Variants in ITPRID1 observed in about 807,000 individuals in gnomAD.
The protein encoded by ITPRID1 is ITPR interacting domain containing 1.
Under a neutral mutation model 95.4 loss-of-function variants are expected in ITPRID1, and 96 were observed. The observed-to-expected ratio is 1.01, with a 90% CI of 0.85 to 1.19. The LOEUF is 1.19. Among genes scored for constraint, ITPRID1 ranks in the 50% most tolerant of loss-of-function variants. ITPRID1 has a pLI of 0.00. For synonymous variants in ITPRID1, 510 were observed against 453.6 expected, an observed-to-expected ratio of 1.12 and a Z score of -1.58; for missense variants, 1,339 against 1,252.9, an observed-to-expected ratio of 1.07 and a Z score of -1.04.
At chr7:31,641,321 T>C (rs35400430) in intron 10 of ITPRID1, among the ~76,000 whole-genome samples, 12,410 of 152,192 alleles carry the variant, frequency 0.082, 726 homozygotes, top group Non-Finnish European at 0.12. Flanking sequence ...CTTAATTCAC[T>C]TCCCACACAC....
intron 10 of ITPRID1, among the ~76,000 whole-genome samples, chr7:31,591,632 G>C (rs573892186): frequency 2.0e-5 from 3 of 152,294 alleles, no homozygotes; most frequent in African/African-American, 7.2e-5. Flanking sequence ...TGGTGTTCTT[G>C]AAAGTATGAG....
chr7:31,588,442 C>A (rs1583538644), intron 10 of ITPRID1, among the ~76,000 whole-genome samples: 1 of 151,386 alleles, frequency 6.6e-6, no homozygotes, highest in Non-Finnish European at 1.5e-5. Context: ...ACCAGCCTGG[C>A]CAATACGGTG....
At chr7:31,612,381 T>C (rs903525552) in intron 10 of ITPRID1, among the ~76,000 whole-genome samples, 4 of 152,110 alleles carry the variant, frequency 2.6e-5, no homozygotes, top group African/African-American at 9.7e-5. Flanking sequence ...TGTTTTTGTG[T>C]GTGTGGGTCA....
intron 7 of ITPRID1, among the ~76,000 whole-genome samples, chr7:31,574,214 T>C (rs992854099): frequency 6.6e-6 from 1 of 151,772 alleles, no homozygotes; most frequent in African/African-American, 2.4e-5. Flanking sequence ...TGACCACTTG[T>C]TTTTGGTTGT....
chr7:31,649,296 G>A (rs1032745632), intron 12 of ITPRID1, among the ~76,000 whole-genome samples: 1 of 152,154 alleles, frequency 6.6e-6, no homozygotes, highest in East Asian at 1.9e-4. Context: ...TAGAGAGGAA[G>A]GGTAAGAAAT....
At chr7:31,578,500 C>G (rs1346821107) in intron 9 of ITPRID1, 66 bp downstream of exon 9, 9 of 1,204,358 alleles carry the variant, frequency 7.5e-6, no homozygotes, top group Non-Finnish European at 1.0e-5. Context: ...CCCTTGTTTT[C>G]CAGCCCTCAT....
chr7:31,648,415 CTTT>C (rs1186517357), intron 12 of ITPRID1, among the ~76,000 whole-genome samples: 2 of 152,034 alleles, frequency 1.3e-5, no homozygotes, highest in Non-Finnish European at 2.9e-5. Context: ...CTACAGTTTT[CTTT>C]ATTATGAAAT....
At chr7:31,518,763 C>T (rs1279306103) in intron 1 of ITPRID1, among the ~76,000 whole-genome samples, 1 of 152,116 alleles carries the variant, frequency 6.6e-6, no homozygotes, top group Non-Finnish European at 1.5e-5. Flanking sequence ...GTATTTTAGC[C>T]AATCTCATAT....
intron 10 of ITPRID1, 138 bp downstream of exon 10, chr7:31,583,329 A>T: frequency 1.7e-6 from 1 of 590,226 alleles, no homozygotes; most frequent in Non-Finnish European, 2.9e-6. Flanking sequence ...CTGAGATATT[A>T]AAAGCCTACT....
At chr7:31,576,757 C>A (rs542829268) in intron 8 of ITPRID1, among the ~76,000 whole-genome samples, 14 of 152,298 alleles carry the variant, frequency 9.2e-5, no homozygotes, top group African/African-American at 3.4e-4. Flanking sequence ...GCAAACACAA[C>A]AAAAGACAGC....
Position 31,647,662 on chromosome 7 carries a change from A to C in ITPRID1, c.2584-3480A>C, listed in dbSNP as rs181045906. On this transcript the variant is annotated intron_variant, in intron 12 of 14. Coordinates refer to ENST00000615280, the MANE Select transcript of ITPRID1 (RefSeq NM_001257967.3). The stretch of plus-strand genomic sequence containing the variant: ...GCACTCCAGCCTGAGCAACAGAGAG[A>C]GTCTCCGTCTCAAAAAAAAAAAAAA... 8.1e-4 allele frequency among the ~76,000 whole-genome samples: 96 copies of C among 117,800 alleles called. No individual in the cohort carries two copies. In the East Asian group the frequency reaches 0.023, roughly 28 times the overall value. The allele number at this position is 117,800 out of a possible 152,430, so 77.3% of individuals were successfully genotyped here.
intron 10 of ITPRID1, among the ~76,000 whole-genome samples, chr7:31,594,763 A>G (rs952927747): frequency 2.0e-5 from 3 of 152,098 alleles, no homozygotes; most frequent in Non-Finnish European, 4.4e-5. Context: ...AGGCTGAGGC[A>G]GAAGAATCGC....
intron 1 of ITPRID1, among the ~76,000 whole-genome samples, chr7:31,520,558 TGTGTGTGAGAGAGA>T (rs370022297): frequency 0.081 from 6,535 of 80,944 alleles, 175 homozygotes; most frequent in East Asian, 0.15. Context: ...TGTGTGTGTG[TGTGTGTGAGAGAGA>T]GAGAGAGAGT....
At chr7:31,544,668 T>C (rs1287776962) in intron 1 of ITPRID1, among the ~76,000 whole-genome samples, 1 of 152,174 alleles carries the variant, frequency 6.6e-6, no homozygotes, top group Non-Finnish European at 1.5e-5. Context: ...TAAGAACTAT[T>C]GCTTGTAATT....
chr7:31,556,094 A>G (rs1784437259), intron 5 of ITPRID1, among the ~76,000 whole-genome samples: 1 of 152,072 alleles, frequency 6.6e-6, no homozygotes, highest in Non-Finnish European at 1.5e-5. Context: ...CTGGTTCTGG[A>G]GTCATCAGTA....
At chr7:31,515,677 C>A (rs1387614953) in intron 1 of ITPRID1, among the ~76,000 whole-genome samples, 1 of 152,176 alleles carries the variant, frequency 6.6e-6, no homozygotes, top group Admixed American at 6.5e-5. Flanking sequence ...GGATTGGCAA[C>A]AACTTGATGT....
chr7:31,645,990 G>A (rs10256086), intron 12 of ITPRID1, among the ~76,000 whole-genome samples: 109,034 of 151,984 alleles, frequency 0.72, 39,771 homozygotes, highest in East Asian at 0.83. Context: ...TTGAGAGGCC[G>A]TATGGGGGAA....
At position 31,655,071 on chromosome 7, in the gene ITPRID1, C is replaced by T. The variant is rs1364121950; in HGVS notation, c.*2242C>T. ...ACACACACTCTCCAAGCATCTATGACCCTGATTCCCAGCTCTCTCCAGTAT... is the reference window on the plus strand; with the variant it reads ...ACACACACTCTCCAAGCATCTATGATCCTGATTCCCAGCTCTCTCCAGTAT... On this transcript the variant is annotated 3_prime_UTR_variant, in exon 15 of 15. Transcript: ENST00000615280. Among the ~76,000 whole-genome samples, 1 of 152,172 alleles carries T rather than the reference C, an allele frequency of 6.6e-6. No individual in the cohort carries two copies. Among genetic ancestry groups the T allele is most frequent in the Non-Finnish European group, 1.5e-5 (1 of 68,042 alleles).
chr7:31,542,142 T>A (rs1258094254), intron 1 of ITPRID1, among the ~76,000 whole-genome samples: 3 of 152,206 alleles, frequency 2.0e-5, no homozygotes, highest in Non-Finnish European at 4.4e-5. Flanking sequence ...TGTTACACTA[T>A]TAACTTTTAG....
Sources: gnomAD v4.1 joint callset for allele counts (sites outside exome capture counted in the v4.1 genomes callset) on GRCh38, gnomAD v4.1.1 for gene constraint, MANE v1.5 for transcripts, NCBI Gene and HGNC (gene_info 2026-07-23, HGNC 2026-07-21) for gene names.